IQCM: variants seen among roughly 807,000 people sequenced by gnomAD.
IQCM encodes the protein IQ domain-containing protein M.
IQCM carries 45 observed loss-of-function variants against 57.6 expected under a neutral mutation model. The observed-to-expected ratio is 0.78, with a 90% confidence interval of 0.62 to 1.00. IQCM has a LOEUF of 1.00. Ranked by LOEUF, IQCM falls within the 50% of genes least tolerant of loss-of-function variation. The pLI is 0.00. For missense variants in IQCM, 468 were observed against 511.6 expected (o/e 0.91, Z 0.82); for synonymous variants, 148 against 158.9 (o/e 0.93, Z 0.51).
At chr4:149,803,977 G>C (rs1773850025) in intron 2 of IQCM, among the ~76,000 whole-genome samples, 1 of 151,816 alleles carries the variant, frequency 6.6e-6, no homozygotes, top group South Asian at 2.1e-4. Context: ...GTGCTTCTTA[G>C]CTTCTCCCTC....
intron 5 of IQCM, among the ~76,000 whole-genome samples, chr4:149,724,517 AG>A (rs1198890706): frequency 1.3e-5 from 2 of 151,916 alleles, no homozygotes; most frequent in Non-Finnish European, 2.9e-5. Flanking sequence ...ACAAATATGT[AG>A]AGACTCTCCC....
chr4:149,668,028 C>T (rs528114447), intron 7 of IQCM, among the ~76,000 whole-genome samples: 5 of 152,068 alleles, frequency 3.3e-5, no homozygotes, highest in Non-Finnish European at 7.4e-5. Flanking sequence ...GGAGAACTTC[C>T]CCAACCTAGC....
chr4:149,507,908 G>A (rs945196508), intron 12 of IQCM, among the ~76,000 whole-genome samples: 5 of 152,058 alleles, frequency 3.3e-5, no homozygotes, highest in African/African-American at 4.8e-5. Context: ...TTGGTGGGCT[G>A]AGCCAGGGTC....
chr4:149,621,910 GA>G (rs1239232533), intron 7 of IQCM, among the ~76,000 whole-genome samples: 1 of 152,016 alleles, frequency 6.6e-6, no homozygotes, highest in African/African-American at 2.4e-5. Flanking sequence ...TCCTGCCATC[GA>G]AATGAATCAA....
At chr4:149,383,386 G>A (rs756265492) in intron 13 of IQCM, among the ~76,000 whole-genome samples, 7 of 152,084 alleles carry the variant, frequency 4.6e-5, no homozygotes, top group African/African-American at 9.7e-5. Flanking sequence ...TATGGATTCC[G>A]ACAGGCACTA....
At chr4:149,497,377 A>G (rs1742766983) in intron 12 of IQCM, among the ~76,000 whole-genome samples, 1 of 152,094 alleles carries the variant, frequency 6.6e-6, no homozygotes, top group African/African-American at 2.4e-5. Flanking sequence ...GTCCATTTTC[A>G]CACTGCTGAT....
intron 12 of IQCM, among the ~76,000 whole-genome samples, chr4:149,485,587 T>C (rs1309511766): frequency 6.6e-6 from 1 of 152,034 alleles, no homozygotes; most frequent in African/African-American, 2.4e-5. Context: ...CTCTGTTACA[T>C]TTATCTGACA....
chr4:149,801,356 G>T (rs1773584372), intron 2 of IQCM, among the ~76,000 whole-genome samples: 1 of 151,884 alleles, frequency 6.6e-6, no homozygotes, highest in Non-Finnish European at 1.5e-5. Context: ...ACTAAAAAAT[G>T]AGCTATCACA....
At chr4:149,415,130 G>A (rs1733652361) in intron 13 of IQCM, among the ~76,000 whole-genome samples, 1 of 152,102 alleles carries the variant, frequency 6.6e-6, no homozygotes, top group Non-Finnish European at 1.5e-5. Context: ...TGATTAAAAT[G>A]CCATCATGTC....
intron 10 of IQCM, among the ~76,000 whole-genome samples, chr4:149,559,112 CA>C (rs1217221089): frequency 1.3e-5 from 2 of 152,120 alleles, no homozygotes; most frequent in African/African-American, 2.4e-5. Context: ...CAAATACAAC[CA>C]AACCCAAAGT....
intron 13 of IQCM, among the ~76,000 whole-genome samples, chr4:149,426,020 T>C (rs2111237654): frequency 6.6e-6 from 1 of 152,142 alleles, no homozygotes; most frequent in Middle Eastern, 3.4e-3. Context: ...CCCTATTGTT[T>C]TTCTTTATGC....
chr4:149,368,918 GTA>G (rs1195182252), intron 13 of IQCM, among the ~76,000 whole-genome samples: 2 of 57,250 alleles, frequency 3.5e-5, no homozygotes, highest in East Asian at 4.2e-4. Flanking sequence ...ATATATATGT[GTA>G]TATATATACA....
At chr4:149,595,441 T>C (rs1262112610) in intron 8 of IQCM, among the ~76,000 whole-genome samples, 3 of 152,126 alleles carry the variant, frequency 2.0e-5, no homozygotes, top group Non-Finnish European at 4.4e-5. Context: ...AAATAGGTAC[T>C]GTGAAGAGAA....
chr4:149,356,400 C>T (rs534276365), intron 13 of IQCM, among the ~76,000 whole-genome samples: 12 of 152,112 alleles, frequency 7.9e-5, no homozygotes, highest in Admixed American at 7.9e-4. Context: ...AGTCTTTAAT[C>T]CATCTTGAAT....
chr4:149,617,003 G>A (rs1198580330), intron 8 of IQCM, among the ~76,000 whole-genome samples: 1 of 151,480 alleles, frequency 6.6e-6, no homozygotes, highest in Non-Finnish European at 1.5e-5. Context: ...TGTTGCCCAG[G>A]CTGGAGTACA....
At chr4:149,690,203 T>C (rs1762847639) in intron 5 of IQCM, among the ~76,000 whole-genome samples, 1 of 152,036 alleles carries the variant, frequency 6.6e-6, no homozygotes, top group Admixed American at 6.6e-5. Context: ...AACTGGTGTA[T>C]GCATGTATAT....
intron 7 of IQCM, among the ~76,000 whole-genome samples, chr4:149,632,595 T>A (rs2150096784): frequency 6.6e-6 from 1 of 152,246 alleles, no homozygotes; most frequent in South Asian, 2.1e-4. Flanking sequence ...AAAAAAAAGA[T>A]CCTGGTGACA....
chr4:149,589,214 G>T (rs552161580), intron 8 of IQCM, among the ~76,000 whole-genome samples: 8 of 151,950 alleles, frequency 5.3e-5, no homozygotes, highest in South Asian at 4.1e-4. Flanking sequence ...CTTGATAAAT[G>T]AGTAAAATGG....
intron 12 of IQCM, among the ~76,000 whole-genome samples, chr4:149,485,172 A>G (rs1741333759): frequency 6.6e-6 from 1 of 150,706 alleles, no homozygotes. Context: ...TGATTTTCAA[A>G]CTCCTAGAGT....
Sources: gnomAD v4.1 joint callset for allele counts (sites outside exome capture counted in the v4.1 genomes callset) on GRCh38, gnomAD v4.1.1 for gene constraint, MANE v1.5 for transcripts, NCBI Gene and HGNC (gene_info 2026-07-23, HGNC 2026-07-21) for gene names.